Variants in ASPH observed in about 807,000 individuals in gnomAD.
ASPH encodes the protein aspartate beta-hydroxylase.
In ASPH, 100 loss-of-function variants were observed where a neutral mutation model predicts 118.4. That is an observed-to-expected ratio of 0.84 (90% confidence interval 0.72 to 1.00). The LOEUF is 1.00. Ranked by LOEUF, ASPH falls within the 50% of genes least tolerant of loss-of-function variation. The pLI, the probability that ASPH is intolerant of heterozygous loss-of-function variation, is 0.00. For synonymous variants in ASPH, 315 were observed against 325.6 expected, an observed-to-expected ratio of 0.97 and a Z score of 0.35; for missense variants, 920 against 919.5, an observed-to-expected ratio of 1.00 and a Z score of -0.01.
At chr8:61,635,619 A>T (rs913032673) in intron 12 of ASPH, among the ~76,000 whole-genome samples, 1 of 152,110 alleles carries the variant, frequency 6.6e-6, no homozygotes, top group Non-Finnish European at 1.5e-5. Context: ...AACCTAATAC[A>T]TTCTAATAAT....
intron 3 of ASPH, chr8:61,664,483 C>A: frequency 1.0e-6 from 1 of 984,882 alleles, no homozygotes; most frequent in Non-Finnish European, 1.2e-6. Context: ...GCTATGGCCA[C>A]AGTTCTCGGA....
chr8:61,505,238 G>A (rs1002907423), intron 24 of ASPH, among the ~76,000 whole-genome samples: 5 of 152,154 alleles, frequency 3.3e-5, no homozygotes, highest in African/African-American at 4.8e-5. Flanking sequence ...GCTCACGCCT[G>A]TAATCTCAGC....
intron 21 of ASPH, among the ~76,000 whole-genome samples, chr8:61,527,535 A>C (rs188657434): frequency 6.6e-6 from 1 of 152,366 alleles, no homozygotes; most frequent in East Asian, 1.9e-4. Context: ...TTGATTTTAT[A>C]ATTTTATGAT....
intron 1 of ASPH, among the ~76,000 whole-genome samples, chr8:61,690,299 A>C (rs940909138): frequency 4.6e-5 from 7 of 152,204 alleles, no homozygotes; most frequent in Non-Finnish European, 1.0e-4. Flanking sequence ...TCCCAGGAAT[A>C]ATTCCTCCAA....
chr8:61,589,576 G>A (rs1037865726), intron 14 of ASPH, among the ~76,000 whole-genome samples: 2 of 152,072 alleles, frequency 1.3e-5, no homozygotes, highest in African/African-American at 4.8e-5. Context: ...ACTCCAGACT[G>A]CCCTCTTCCT....
At chr8:61,548,674 A>G (rs1336900944) in intron 20 of ASPH, among the ~76,000 whole-genome samples, 1 of 152,226 alleles carries the variant, frequency 6.6e-6, no homozygotes, top group Non-Finnish European at 1.5e-5. Flanking sequence ...TGTACTTTCC[A>G]TGTCCACATT....
At chr8:61,545,606 G>A (rs1394721514) in intron 21 of ASPH, among the ~76,000 whole-genome samples, 1 of 152,198 alleles carries the variant, frequency 6.6e-6, no homozygotes, top group African/African-American at 2.4e-5. Context: ...AACCACAGTG[G>A]AGAAGATTTC....
At position 61,500,846 on chromosome 8, in the gene ASPH, A is replaced by C. The variant is rs968297214; in HGVS notation, c.*2513T>G. On this transcript the variant is annotated 3_prime_UTR_variant, in exon 25 of 25. Transcript: ENST00000379454. ...TTACATTATTTTAAATATTTGGGAG[A>C]GTTAATTTGTTAGCTAAATAATTCA... is the stretch of plus-strand genomic sequence containing the variant. 16 of 151,604 alleles carry C rather than the reference A, an allele frequency of 1.1e-4. No homozygotes were observed. Among genetic ancestry groups the C allele is most frequent in the Non-Finnish European group, 2.1e-4 (14 of 68,024 alleles). The allele number at this position is 151,604 out of a possible 1,614,324, so 9.4% of individuals were successfully genotyped here.
chr8:61,591,755 A>G (rs1217894415), intron 14 of ASPH, among the ~76,000 whole-genome samples: 1 of 152,128 alleles, frequency 6.6e-6, no homozygotes, highest in Non-Finnish European at 1.5e-5. Flanking sequence ...ACCGAGACTG[A>G]AGCTTCGGGT....
At chr8:61,624,967 T>C (rs1852221311) in intron 13 of ASPH, 28 of 985,074 alleles carry the variant, frequency 2.8e-5, no homozygotes, top group Non-Finnish European at 3.4e-5. Flanking sequence ...ACTCACTACA[T>C]TGTATAATAA....
At chr8:61,507,826 A>C (rs959464702) in intron 24 of ASPH, among the ~76,000 whole-genome samples, 4 of 152,204 alleles carry the variant, frequency 2.6e-5, no homozygotes, top group Non-Finnish European at 5.9e-5. Context: ...TACGACATAC[A>C]ATCAGCCCTT....
At chr8:61,556,170 C>A in intron 18 of ASPH, 148 bp from the exon 19 acceptor site, 1 of 651,886 alleles carries the variant, frequency 1.5e-6, no homozygotes, top group South Asian at 2.0e-5. Context: ...CACCATAGTA[C>A]TTTGTCTCAT....
intron 22 of ASPH, among the ~76,000 whole-genome samples, chr8:61,518,364 C>T (rs111874431): frequency 3.9e-5 from 6 of 152,140 alleles, no homozygotes; most frequent in South Asian, 2.1e-4. Context: ...ATTCTTCACT[C>T]GGTGTTGGAC....
intron 1 of ASPH, among the ~76,000 whole-genome samples, chr8:61,702,605 A>G (rs1835536266): frequency 6.6e-6 from 1 of 152,152 alleles, no homozygotes; most frequent in African/African-American, 2.4e-5. Context: ...CTACTTCTAT[A>G]CAAACTATGC....
chr8:61,535,187 T>G (rs1205359354), intron 21 of ASPH, among the ~76,000 whole-genome samples: 1 of 152,068 alleles, frequency 6.6e-6, no homozygotes, highest in Admixed American at 6.6e-5. Context: ...AATTTCAGAG[T>G]AGGAATTGTG....
intron 1 of ASPH, among the ~76,000 whole-genome samples, chr8:61,701,913 G>C (rs1390732496): frequency 6.6e-6 from 1 of 152,086 alleles, no homozygotes; most frequent in South Asian, 2.1e-4. Context: ...CTTAGTAGCT[G>C]AAATAGTTAC....
chr8:61,681,445 T>C (rs2151627250), intron 2 of ASPH, among the ~76,000 whole-genome samples: 1 of 151,920 alleles, frequency 6.6e-6, no homozygotes, highest in Non-Finnish European at 1.5e-5. Context: ...TTCATCACAC[T>C]ATCAATATCT....
chr8:61,586,170 G>A (rs971921823), intron 14 of ASPH, among the ~76,000 whole-genome samples: 1 of 151,988 alleles, frequency 6.6e-6, no homozygotes, highest in South Asian at 2.1e-4. Flanking sequence ...CTAGCCTCTT[G>A]AATTTCTCTT....
chr8:61,520,201 G>A (rs1812426815), intron 22 of ASPH, among the ~76,000 whole-genome samples: 1 of 152,162 alleles, frequency 6.6e-6, no homozygotes, highest in African/African-American at 2.4e-5. Flanking sequence ...TAAGTATCCT[G>A]AACTATGCAA....
Sources: gnomAD v4.1 joint callset for allele counts (sites outside exome capture counted in the v4.1 genomes callset) on GRCh38, gnomAD v4.1.1 for gene constraint, MANE v1.5 for transcripts, NCBI Gene and HGNC (gene_info 2026-07-23, HGNC 2026-07-21) for gene names.